The following COTL1 variants were observed in gnomAD, a reference collection of about 807,000 sequenced individuals.
COTL1 encodes coactosin like F-actin binding protein 1.
Under a neutral mutation model 16.5 loss-of-function variants are expected in COTL1, and 15 were observed. The observed-to-expected ratio is 0.91, with a 90% CI of 0.61 to 1.40. The LOEUF is 1.40. Ranked by LOEUF, COTL1 falls within the 40% of genes most tolerant of loss-of-function variation. The pLI, the probability that COTL1 is intolerant of heterozygous loss-of-function variation, is 0.00. For synonymous variants in COTL1, 112 were observed against 85.3 expected, an observed-to-expected ratio of 1.31 and a Z score of -1.73; for missense variants, 220 against 201.5, an observed-to-expected ratio of 1.09 and a Z score of -0.56.
intron 2 of COTL1, among the ~76,000 whole-genome samples, chr16:84,599,248 G>A (rs546397221): frequency 2.6e-5 from 4 of 152,200 alleles, no homozygotes; most frequent in South Asian, 2.1e-4. Context: ...TCTCCTCTGC[G>A]TATCGCCAAA....
chr16:84,570,700 T>A (rs778710858), intron 3 of COTL1, among the ~76,000 whole-genome samples: 1 of 152,210 alleles, frequency 6.6e-6, no homozygotes, highest in African/African-American at 2.4e-5. Context: ...CTTTCCTCTC[T>A]GCTCGGTAGA....
intron 2 of COTL1, among the ~76,000 whole-genome samples, chr16:84,605,532 G>C (rs921972654): frequency 2.0e-5 from 3 of 152,208 alleles, no homozygotes; most frequent in Admixed American, 6.5e-5. Context: ...GGGTTATCTG[G>C]GTGACACCCA....
intron 3 of COTL1, among the ~76,000 whole-genome samples, chr16:84,582,392 C>T (rs1044418514): frequency 6.6e-6 from 1 of 152,188 alleles, no homozygotes; most frequent in African/African-American, 2.4e-5. Context: ...AATCCACCTG[C>T]TCCAGCCTCA....
At chr16:84,595,377 C>T (rs773711200) in intron 2 of COTL1, 1 of 152,220 alleles carries the variant, frequency 6.6e-6, no homozygotes, top group Non-Finnish European at 1.5e-5. Context: ...TCAGCTGAGT[C>T]GGAGACGGAA....
chr16:84,595,715 G>A (rs1156511809), intron 2 of COTL1: 2 of 152,132 alleles, frequency 1.3e-5, no homozygotes, highest in Non-Finnish European at 2.9e-5. Context: ...GTATATATTA[G>A]TGTGATATGT....
intron 1 of COTL1, 56 bp from the exon 2 acceptor site, chr16:84,617,639 G>T: frequency 6.6e-7 from 1 of 1,511,608 alleles, no homozygotes; most frequent in South Asian, 1.2e-5. Context: ...GTGGCCGCGC[G>T]ACGCGGCGCT....
intron 2 of COTL1, among the ~76,000 whole-genome samples, chr16:84,597,262 T>G (rs1460855791): frequency 1.3e-5 from 2 of 152,176 alleles, no homozygotes; most frequent in African/African-American, 4.8e-5. Flanking sequence ...TAAGCACTTA[T>G]GAGGGGCCAG....
intron 3 of COTL1, among the ~76,000 whole-genome samples, chr16:84,571,049 G>A (rs912009903): frequency 6.6e-6 from 1 of 151,916 alleles, no homozygotes; most frequent in Non-Finnish European, 1.5e-5. Flanking sequence ...CATGCTCTAG[G>A]CCCCTTTAGA....
intron 2 of COTL1, among the ~76,000 whole-genome samples, chr16:84,603,121 G>A (rs1192751789): frequency 6.6e-6 from 1 of 152,136 alleles, no homozygotes; most frequent in East Asian, 1.9e-4. Context: ...GTTCCCCGGA[G>A]GCCTCTCCAT....
chr16:84,617,401 G>T, intron 2 of COTL1, 100 bp downstream of exon 2: 1 of 1,124,460 alleles, frequency 8.9e-7, no homozygotes, highest in Non-Finnish European at 1.3e-6. Context: ...GGCACCCCAT[G>T]TGGCCACCGG....
chr16:84,567,170 G>A, intron 3 of COTL1: 1 of 514,556 alleles, frequency 1.9e-6, no homozygotes, highest in Non-Finnish European at 3.6e-6. Flanking sequence ...CTGACTGGGA[G>A]GAGGGAGTGG....
At position 84,617,602 on chromosome 16, in the gene COTL1, A is replaced by G. The variant is rs1322695611; in HGVS notation, c.78-19T>C. ...AGTCACCCTTTGGGTTGGGAGAAGA[A>G]AAAAACACACACACACATCAGCGCT... On this transcript the variant is annotated intron_variant, in intron 1 of 3. Coordinates refer to ENST00000262428, the MANE Select transcript of COTL1 (RefSeq NM_021149.5). The G allele has an allele frequency of 8.4e-6, 13 of 1,550,442 alleles. No homozygotes were observed. The East Asian group carries it at 2.7e-4, about 32-fold the overall frequency.
intron 2 of COTL1, among the ~76,000 whole-genome samples, chr16:84,592,129 G>A (rs2150688715): frequency 6.6e-6 from 1 of 152,350 alleles, no homozygotes; most frequent in African/African-American, 2.4e-5. Flanking sequence ...AAAGGGGGCA[G>A]AACACCCCCA....
chr16:84,614,141 T>G (rs1905406165), intron 2 of COTL1, among the ~76,000 whole-genome samples: 1 of 152,194 alleles, frequency 6.6e-6, no homozygotes, highest in African/African-American at 2.4e-5. Flanking sequence ...GAGGCCACAG[T>G]GGATTTTCTG....
intron 2 of COTL1, among the ~76,000 whole-genome samples, chr16:84,611,745 CTCTTCTTTTGGTTTAG>C (rs1307940131): frequency 1.3e-5 from 2 of 152,182 alleles, no homozygotes; most frequent in Non-Finnish European, 2.9e-5. Context: ...ACTTGGTATT[CTCTTCTTTTGGTTTAG>C]TCTTGCTTTA....
intron 3 of COTL1, among the ~76,000 whole-genome samples, chr16:84,587,963 A>C (rs1257977983): frequency 6.6e-6 from 1 of 151,954 alleles, no homozygotes; most frequent in African/African-American, 2.4e-5. Context: ...GCAGAGACAG[A>C]GTTTTGCCAT....
intron 2 of COTL1, among the ~76,000 whole-genome samples, chr16:84,614,177 T>C (rs1332679732): frequency 5.3e-5 from 8 of 152,218 alleles, no homozygotes; most frequent in Admixed American, 5.2e-4. Flanking sequence ...ACTGGGCATT[T>C]CTCACCGCCC....
chr16:84,569,811 G>A (rs151074002), intron 3 of COTL1, among the ~76,000 whole-genome samples: 5 of 152,332 alleles, frequency 3.3e-5, no homozygotes, highest in East Asian at 1.9e-4. Context: ...TGAGCCCCAC[G>A]GCATGAGGGA....
chr16:84,582,619 T>C (rs17597460), intron 3 of COTL1, among the ~76,000 whole-genome samples: 34,764 of 152,112 alleles, frequency 0.23, 4,110 homozygotes, highest in Non-Finnish European at 0.27. Flanking sequence ...GATACAGATA[T>C]AGGCACAATT....
Sources: allele counts gnomAD v4.1 joint callset (sites outside exome capture counted in the v4.1 genomes callset), GRCh38; gene constraint gnomAD v4.1.1; transcripts MANE v1.5; gene names NCBI Gene and HGNC (gene_info 2026-07-23, HGNC 2026-07-21).